Variants in HERC1 observed in about 807,000 individuals in gnomAD.
HERC1 encodes HECT and RLD domain containing E3 ubiquitin protein ligase family member 1.
HERC1 carries 160 observed loss-of-function variants against 554.3 expected under a neutral mutation model. The ratio of observed to expected loss-of-function variants is 0.29; its 90% CI spans 0.25 to 0.33. HERC1 has a LOEUF of 0.33. Ranked by LOEUF, HERC1 falls within the 10% of genes least tolerant of loss-of-function variation. HERC1 has a pLI of 1.00. For missense variants in HERC1, 4,919 were observed against 5,918.5 expected (o/e 0.83, Z 5.54); for synonymous variants, 2,175 against 2,131.7 (o/e 1.02, Z -0.56).
intron 8 of HERC1, 70 bp downstream of exon 8, chr15:63,752,888 A>G (rs1160214940): frequency 7.5e-7 from 1 of 1,335,920 alleles, no homozygotes; most frequent in Admixed American, 2.3e-5. Context: ...ATTTAAATAC[A>G]AGTATTACTT....
intron 1 of HERC1, among the ~76,000 whole-genome samples, chr15:63,786,512 A>G (rs1401593020): frequency 6.6e-6 from 1 of 152,210 alleles, no homozygotes. Flanking sequence ...AATGACCATC[A>G]AGATATGAAT....
intron 21 of HERC1, 58 bp from the exon 22 acceptor site, chr15:63,716,531 C>T: frequency 3.0e-6 from 4 of 1,341,878 alleles, no homozygotes; most frequent in South Asian, 2.9e-5. Context: ...CTTTTTAAAA[C>T]TTTAAAAAAC....
At position 63,640,261 on chromosome 15, in the gene HERC1, G is replaced by A. The variant is rs897847209; in HGVS notation, c.11792C>T (p.Ser3931Leu). 3 of 1,613,820 alleles carry A rather than the reference G, an allele frequency of 1.9e-6. No individual in the cohort carries two copies. Among genetic ancestry groups the A allele is most frequent in the African/African-American group, 2.7e-5 (2 of 74,934 alleles). Residue 3931 changes from serine (S) to leucine (L), a missense_variant, in exon 61 of 78, where the codon TCA becomes TTA. This residue lies in a region of HERC1 where 1,963 missense variants were observed against 2,228.6 expected (regional missense o/e 0.88). Coordinates refer to ENST00000443617, the MANE Select transcript of HERC1 (RefSeq NM_003922.4). ...GGCTTCGGCAGCTTTTATAGTGGTT[G>A]AGAAACATTCTAACCAGGCCCATTC... ...PNEWAWLECFSTTIKAAEALT... is the reference protein window; with the variant it reads ...PNEWAWLECFLTTIKAAEALT...
chr15:63,720,497 G>A (rs2073773883), intron 19 of HERC1, among the ~76,000 whole-genome samples: 1 of 152,012 alleles, frequency 6.6e-6, no homozygotes, highest in South Asian at 2.1e-4. Flanking sequence ...ATTAATTTTG[G>A]TTCTTAATTC....
chr15:63,727,769 A>T lies in HERC1; in HGVS notation c.3224T>A (p.Val1075Glu), dbSNP rs1439938209. The change falls in exon 17 of 78, where the codon GTG (valine) becomes GAG (glutamate). Residue 1075 changes from valine to glutamate, a missense_variant. Physicochemically the swap from Val to Glu is moderately radical, Grantham distance 121 (BLOSUM62 -2). This residue lies in a region of HERC1 where 1,121 missense variants were observed against 1,244.0 expected (regional missense o/e 0.90). Coordinates refer to ENST00000443617, the MANE Select transcript of HERC1 (RefSeq NM_003922.4). This position sits in a 1 kb window ranked among gnomAD's most constrained non-coding sequence, Gnocchi z 4.3. ...QIVNSLLLLP[V>E]SVARPLLSYL... The stretch of plus-strand genomic sequence containing the variant: ...ACTCAATAAAGGCCGAGCCACTGAC[A>T]CAGGGAGTAACAGCAGGGAGTTAAC... 1.2e-6 allele frequency: 2 copies of T among 1,614,006 alleles called. No individual in the cohort carries two copies. The highest frequency in any genetic ancestry group is 1.7e-6 in the Non-Finnish European group (2 of 1,179,860).
intron 2 of HERC1, among the ~76,000 whole-genome samples, chr15:63,770,029 T>C (rs1055171754): frequency 1.3e-5 from 2 of 152,198 alleles, no homozygotes; most frequent in African/African-American, 2.4e-5. Context: ...TTACTCAAAA[T>C]TGCTTCAATA....
At chr15:63,829,890 G>C (rs373489534) in intron 1 of HERC1, among the ~76,000 whole-genome samples, 1 of 152,000 alleles carries the variant, frequency 6.6e-6, no homozygotes, top group East Asian at 1.9e-4. Context: ...AATAATGATA[G>C]TATTGGATTA....
intron 1 of HERC1, among the ~76,000 whole-genome samples, chr15:63,778,466 T>G (rs2076177811): frequency 6.6e-6 from 1 of 152,142 alleles, no homozygotes; most frequent in African/African-American, 2.4e-5. Flanking sequence ...TAAGCATTTG[T>G]TGAAACGCAG....
intron 38 of HERC1, among the ~76,000 whole-genome samples, 152 bp downstream of exon 38, chr15:63,674,190 T>A (rs929016885): frequency 5.9e-5 from 9 of 151,696 alleles, no homozygotes; most frequent in Non-Finnish European, 1.0e-4. Flanking sequence ...AAAAAAGAAC[T>A]GTTTTCAAGA....
At position 63,651,341 on chromosome 15, in the gene HERC1, A is replaced by T. The variant is rs764392945; in HGVS notation, c.10458T>A (p.Asp3486Glu). Residue 3486 changes from aspartate to glutamate, a missense_variant, in exon 53 of 78, where the codon GAT becomes GAA. Asp to Glu is a conservative substitution (Grantham distance 45). Coordinates refer to ENST00000443617, the MANE Select transcript of HERC1 (RefSeq NM_003922.4). ...DAEESLGSPS[D>E]PSFSPVSWSI... ...TCCAGGAAACTGGTGAGAAACTTGG[A>T]TCACTGGGTGATCCCAGGCTTTCCT... The T allele has an allele frequency of 3.2e-5, 52 of 1,613,760 alleles. No individual in the cohort carries two copies. The highest frequency in any genetic ancestry group is 2.7e-4 in the Admixed American group (16 of 60,004).
chr15:63,702,336 T>C (rs189969036), intron 25 of HERC1, among the ~76,000 whole-genome samples: 14 of 152,304 alleles, frequency 9.2e-5, no homozygotes, highest in African/African-American at 2.9e-4. Context: ...TGTTATACCA[T>C]GAAACACACA....
chr15:63,768,266 T>A (rs2075845441), intron 2 of HERC1, among the ~76,000 whole-genome samples: 1 of 152,254 alleles, frequency 6.6e-6, no homozygotes, highest in Admixed American at 6.5e-5. Context: ...TGACACGAAT[T>A]ACCTGGTGAT....
At chr15:63,655,311 G>A (rs954750738) in intron 50 of HERC1, among the ~76,000 whole-genome samples, 1 of 152,166 alleles carries the variant, frequency 6.6e-6, no homozygotes, top group African/African-American at 2.4e-5. Flanking sequence ...CCAAGATTGT[G>A]CCACTGCACT....
At position 63,680,294 on chromosome 15, in the gene HERC1, T is replaced by C. The variant is rs773483742; in HGVS notation, c.6466-134A>G. On this transcript the variant is annotated intron_variant, in intron 35 of 77. Transcript: ENST00000443617. The surrounding 1 kb of genome is among the most constrained non-coding windows in gnomAD (Gnocchi z 5.8). ...ACTAGATCAAATTCTCAATTAACCT[T>C]GCTAACCGAGAAAATTCTACATATA... 6.6e-6 allele frequency: 5 copies of C among 762,338 alleles called. No homozygotes were observed. The Middle Eastern group carries it at 1.6e-3, about 246-fold the overall frequency. The allele number at this position is 762,338 out of a possible 1,614,324, so 47.2% of individuals were successfully genotyped here.
chr15:63,631,952 G>A (rs772893395), intron 68 of HERC1, among the ~76,000 whole-genome samples: 9 of 151,992 alleles, frequency 5.9e-5, no homozygotes, highest in South Asian at 2.1e-4. Flanking sequence ...TAGATGATAC[G>A]AATAAGGATT....
At chr15:63,697,516 G>A (rs1244431479) in intron 26 of HERC1, among the ~76,000 whole-genome samples, 8 of 147,306 alleles carry the variant, frequency 5.4e-5, no homozygotes, top group South Asian at 2.1e-4. Flanking sequence ...GTGCAATGGC[G>A]CGATCTCGGC....
chr15:63,695,396 T>G (rs2072348901), intron 27 of HERC1, among the ~76,000 whole-genome samples: 1 of 149,470 alleles, frequency 6.7e-6, no homozygotes, highest in Middle Eastern at 3.4e-3. Context: ...TTTTTTTTTT[T>G]TTTTTTTGAG....
chr15:63,652,367 T>A (rs1490132511), intron 52 of HERC1, 47 bp downstream of exon 52: 1 of 1,539,562 alleles, frequency 6.5e-7, no homozygotes, highest in Non-Finnish European at 8.8e-7. Flanking sequence ...GAGGCATGTT[T>A]AGGATTCTCT....
chr15:63,633,013 G>A (rs1210541947), intron 67 of HERC1, among the ~76,000 whole-genome samples: 1 of 152,202 alleles, frequency 6.6e-6, no homozygotes, highest in Non-Finnish European at 1.5e-5. Context: ...AGTGTGCAGG[G>A]GCAGAGGCAG....
Sources: allele counts gnomAD v4.1 joint callset (sites outside exome capture counted in the v4.1 genomes callset), GRCh38; gene constraint gnomAD v4.1.1; regional missense constraint gnomAD v4.1.1; non-coding constraint Gnocchi (gnomAD v3.1); transcripts MANE v1.5; gene names NCBI Gene and HGNC (gene_info 2026-07-23, HGNC 2026-07-21).